CPAP: variants seen among roughly 807,000 people sequenced by gnomAD.
CPAP encodes the protein centrosome assembly and centriole elongation protein.
At chr13:24,917,806 C>T in the CPAP span, among the ~76,000 whole-genome samples, 2 of 152,168 alleles carry the variant, frequency 1.3e-5, no homozygotes, top group African/African-American at 4.8e-5. Context: ...ATGGCATTGG[C>T]AACTGGCAAG....
chr13:24,905,476 G>C, the CPAP span: 1 of 1,614,114 alleles, frequency 6.2e-7, no homozygotes. Context: ...TGCTCCTCCT[G>C]GACTTGCTCA....
At chr13:24,901,654 A>C in the CPAP span, among the ~76,000 whole-genome samples, 2 of 152,254 alleles carry the variant, frequency 1.3e-5, no homozygotes, top group African/African-American at 4.8e-5. Flanking sequence ...AGGATACAGA[A>C]GACTAGGGCG....
At chr13:24,885,146 T>C in the CPAP span, 3 of 678,292 alleles carry the variant, frequency 4.4e-6, no homozygotes, top group Non-Finnish European at 7.8e-6. Context: ...TTTTGCTGAA[T>C]CTCTGAACGA....
At chr13:24,920,052 G>A in the CPAP span, among the ~76,000 whole-genome samples, 3 of 152,312 alleles carry the variant, frequency 2.0e-5, no homozygotes, top group East Asian at 1.9e-4. Flanking sequence ...TATTACAGGT[G>A]TGAGTCACTG....
At chr13:24,884,111 T>A in the CPAP span, 3 of 1,603,568 alleles carry the variant, frequency 1.9e-6, no homozygotes, top group African/African-American at 2.7e-5. Flanking sequence ...ACAGTAAATA[T>A]TTTTTGAAGG....
the CPAP span, chr13:24,924,868 C>T: frequency 7.0e-6 from 1 of 143,802 alleles, no homozygotes; most frequent in Admixed American, 7.4e-5. Context: ...TGAAACCAGT[C>T]TTCTCATCTG....
chr13:24,928,023 C>G, the CPAP span, among the ~76,000 whole-genome samples: 1,795 of 152,342 alleles, frequency 0.012, 40 homozygotes, highest in African/African-American at 0.039. Flanking sequence ...ACACACGTGA[C>G]CCCTTCCCTG....
the CPAP span, among the ~76,000 whole-genome samples, chr13:24,895,017 G>C: frequency 6.6e-6 from 1 of 152,222 alleles, no homozygotes; most frequent in Non-Finnish European, 1.5e-5. Flanking sequence ...AGCGCAGCGC[G>C]AAAGCTCAGA....
the CPAP span, among the ~76,000 whole-genome samples, chr13:24,908,593 A>AAATAT: frequency 1.3e-5 from 1 of 77,936 alleles, no homozygotes; most frequent in African/African-American, 4.5e-5. Context: ...ACCCTGTCTC[A>AAATAT]AAAATAAAAT....
chr13:24,905,958 C>T, the CPAP span: 3 of 1,614,180 alleles, frequency 1.9e-6, no homozygotes, highest in Non-Finnish European at 2.5e-6. Flanking sequence ...ACACCTTCAT[C>T]GTCACGTGCA....
chr13:24,916,705 C>T, the CPAP span, among the ~76,000 whole-genome samples: 1 of 152,198 alleles, frequency 6.6e-6, no homozygotes, highest in Non-Finnish European at 1.5e-5. Flanking sequence ...TGCAGAGGAA[C>T]TTTGACTCAA....
the CPAP span, chr13:24,883,308 T>C: frequency 1.9e-6 from 3 of 1,614,036 alleles, no homozygotes; most frequent in East Asian, 6.7e-5. Context: ...TCCCGTCTCT[T>C]GAACTGGGCA....
At chr13:24,926,812 C>T in the CPAP span, among the ~76,000 whole-genome samples, 2 of 152,172 alleles carry the variant, frequency 1.3e-5, no homozygotes, top group Non-Finnish European at 2.9e-5. Context: ...ACTTTCAACA[C>T]CTATAAAGAG....
At chr13:24,893,838 G>A in the CPAP span, among the ~76,000 whole-genome samples, 1 of 152,182 alleles carries the variant, frequency 6.6e-6, no homozygotes, top group Non-Finnish European at 1.5e-5. Flanking sequence ...TCTGTTATCA[G>A]GCACTGTCAC....
the CPAP span, among the ~76,000 whole-genome samples, chr13:24,920,715 G>A: frequency 2.0e-5 from 3 of 149,566 alleles, no homozygotes; most frequent in African/African-American, 5.0e-5. Context: ...CAGCCTCCCG[G>A]GTTCAAGCGA....
chr13:24,885,372 C>T, the CPAP span: 3 of 1,613,090 alleles, frequency 1.9e-6, no homozygotes, highest in African/African-American at 1.3e-5. Flanking sequence ...CAAGTGGCTC[C>T]CTGGGAGAGG....
the CPAP span, among the ~76,000 whole-genome samples, chr13:24,891,622 CCACCCAG>C: frequency 6.6e-6 from 1 of 152,166 alleles, no homozygotes; most frequent in Non-Finnish European, 1.5e-5. Context: ...CCCGCCACTG[CCACCCAG>C]TCCCCCCAAG....
chr13:24,886,935 C>T, the CPAP span, among the ~76,000 whole-genome samples: 1 of 152,148 alleles, frequency 6.6e-6, no homozygotes, highest in African/African-American at 2.4e-5. Context: ...ACCAACTGGG[C>T]AGGATAACGA....
At chr13:24,916,470 T>G in the CPAP span, among the ~76,000 whole-genome samples, 1 of 152,186 alleles carries the variant, frequency 6.6e-6, no homozygotes, top group Admixed American at 6.5e-5. Flanking sequence ...CTCACTCCAC[T>G]GAAGAGATGG....
Sources: allele counts gnomAD v4.1 joint callset (sites outside exome capture counted in the v4.1 genomes callset), GRCh38; gene constraint gnomAD v4.1.1; transcripts MANE v1.5; gene names NCBI Gene and HGNC (gene_info 2026-07-23, HGNC 2026-07-21).